GRM8: variants seen among roughly 807,000 people sequenced by gnomAD.
GRM8 encodes glutamate metabotropic receptor 8, also known as metabotropic glutamate receptor 8.
A neutral mutation model predicts 87.2 loss-of-function variants in GRM8; 47 were observed. That is an observed-to-expected ratio of 0.54 (90% CI 0.43 to 0.69). The LOEUF is 0.69. GRM8 is among the 30% of genes least tolerant of loss of function. GRM8 has a pLI of 0.00. For synonymous variants in GRM8, 396 were observed against 404.5 expected (o/e 0.98, Z 0.25); for missense variants, 1,019 against 1,139.2 (o/e 0.89, Z 1.52).
chr7:126,655,858 A>C (rs1480073845), intron 7 of GRM8, among the ~76,000 whole-genome samples: 3 of 152,210 alleles, frequency 2.0e-5, no homozygotes, highest in African/African-American at 7.2e-5. Context: ...GCATGACACA[A>C]GGGAAAGATA....
At chr7:126,704,437 T>C (rs1472752873) in intron 7 of GRM8, among the ~76,000 whole-genome samples, 1 of 152,158 alleles carries the variant, frequency 6.6e-6, no homozygotes, top group Non-Finnish European at 1.5e-5. Flanking sequence ...GTTTGAACAA[T>C]ATGAAATCTG....
chr7:127,234,970 T>C (rs2116832788), intron 2 of GRM8, among the ~76,000 whole-genome samples: 1 of 152,266 alleles, frequency 6.6e-6, no homozygotes. Context: ...AAACCTGCAG[T>C]CTCTAGGGTG....
intron 7 of GRM8, among the ~76,000 whole-genome samples, chr7:126,702,171 C>T (rs1377286394): frequency 2.6e-5 from 4 of 152,154 alleles, no homozygotes; most frequent in Non-Finnish European, 2.9e-5. Context: ...CCTTGTGGAG[C>T]TTACAGTCCA....
intron 6 of GRM8, among the ~76,000 whole-genome samples, chr7:126,776,971 C>A (rs1819547525): frequency 6.6e-6 from 1 of 152,166 alleles, no homozygotes; most frequent in Admixed American, 6.5e-5. Flanking sequence ...AAACCCAATT[C>A]TCCACAACAG....
At chr7:126,745,722 C>A (rs964390124) in intron 7 of GRM8, among the ~76,000 whole-genome samples, 2 of 151,606 alleles carry the variant, frequency 1.3e-5, no homozygotes, top group African/African-American at 4.8e-5. Context: ...ACAACCTCTG[C>A]TTGTAAACAT....
intron 3 of GRM8, among the ~76,000 whole-genome samples, chr7:127,097,562 T>C (rs1435325835): frequency 6.6e-6 from 1 of 152,244 alleles, no homozygotes; most frequent in African/African-American, 2.4e-5. Context: ...ACCATCTTTA[T>C]GATAATATAC....
intron 8 of GRM8, among the ~76,000 whole-genome samples, chr7:126,541,807 C>T (rs1213117909): frequency 5.9e-5 from 9 of 152,210 alleles, no homozygotes; most frequent in Non-Finnish European, 1.2e-4. Context: ...GAGATCGTAG[C>T]ATTCTAATCA....
chr7:126,951,360 T>G (rs1455358699), intron 3 of GRM8, among the ~76,000 whole-genome samples: 1 of 152,058 alleles, frequency 6.6e-6, no homozygotes, highest in Admixed American at 6.6e-5. Context: ...GATACTGCCT[T>G]GGGTGCATCA....
intron 7 of GRM8, among the ~76,000 whole-genome samples, chr7:126,747,413 A>T (rs1815823997): frequency 1.3e-5 from 2 of 151,964 alleles, no homozygotes; most frequent in East Asian, 1.9e-4. Context: ...TACCTGTTTG[A>T]CTAGTCCCTC....
chr7:126,827,132 T>C (rs1209831305), intron 6 of GRM8, among the ~76,000 whole-genome samples: 1 of 152,338 alleles, frequency 6.6e-6, no homozygotes, highest in East Asian at 1.9e-4. Flanking sequence ...TGTAGTATAG[T>C]TTGAAGTCAG....
chr7:126,551,393 CT>C (rs1429858681), intron 8 of GRM8, among the ~76,000 whole-genome samples: 1 of 152,140 alleles, frequency 6.6e-6, no homozygotes, highest in African/African-American at 2.4e-5. Flanking sequence ...GATAGTTCCC[CT>C]ATGACTGCCC....
chr7:126,917,270 C>T (rs1240055022), intron 3 of GRM8, among the ~76,000 whole-genome samples: 2 of 152,006 alleles, frequency 1.3e-5, no homozygotes, highest in African/African-American at 4.8e-5. Context: ...GCCACCATGC[C>T]CAGCATAATT....
chr7:126,505,890 A>G (rs1250400720), intron 9 of GRM8, among the ~76,000 whole-genome samples: 1 of 152,028 alleles, frequency 6.6e-6, no homozygotes, highest in Non-Finnish European at 1.5e-5. Flanking sequence ...AATTTCAAGT[A>G]TATAATAGGT....
intron 8 of GRM8, among the ~76,000 whole-genome samples, chr7:126,560,209 T>C (rs932898801): frequency 1.1e-4 from 16 of 152,216 alleles, no homozygotes; most frequent in Non-Finnish European, 1.8e-4. Context: ...ATATCAGTGA[T>C]AATATAAGTC....
chr7:126,764,919 A>C (rs1037042272), intron 7 of GRM8, among the ~76,000 whole-genome samples: 8 of 152,142 alleles, frequency 5.3e-5, no homozygotes, highest in African/African-American at 1.9e-4. Context: ...CCCCTCTCTC[A>C]GGTTTCCAAC....
At chr7:126,940,041 AG>A (rs1410431220) in intron 3 of GRM8, among the ~76,000 whole-genome samples, 1 of 152,194 alleles carries the variant, frequency 6.6e-6, no homozygotes, top group African/African-American at 2.4e-5. Flanking sequence ...CCAAACATCC[AG>A]GGTGGACCAG....
chr7:127,202,368 G>A (rs968489122), intron 2 of GRM8, among the ~76,000 whole-genome samples: 1 of 152,086 alleles, frequency 6.6e-6, no homozygotes, highest in African/African-American at 2.4e-5. Context: ...AGTAGAAACA[G>A]GGTTTTGCCA....
intron 2 of GRM8, among the ~76,000 whole-genome samples, chr7:127,152,094 G>A (rs1792419203): frequency 6.6e-6 from 1 of 152,088 alleles, no homozygotes; most frequent in Non-Finnish European, 1.5e-5. Context: ...TGAACAAAGA[G>A]TAGAGAAACT....
chr7:126,909,607 A>ATT (rs1370722777), intron 3 of GRM8, among the ~76,000 whole-genome samples: 2 of 152,150 alleles, frequency 1.3e-5, no homozygotes, highest in African/African-American at 4.8e-5. Flanking sequence ...GTTTTCTAGA[A>ATT]TTTCCTGGCT....
Sources: gnomAD v4.1 joint callset for allele counts (sites outside exome capture counted in the v4.1 genomes callset) on GRCh38, gnomAD v4.1.1 for gene constraint, MANE v1.5 for transcripts, NCBI Gene and HGNC (gene_info 2026-07-23, HGNC 2026-07-21) for gene names.